The following CLEC4C variants were observed in gnomAD, a reference collection of about 807,000 sequenced individuals.
CLEC4C encodes C-type lectin domain family 4 member C.
In CLEC4C, 17 loss-of-function variants were observed where a neutral mutation model predicts 27.7. The observed-to-expected ratio is 0.61, with a 90% CI of 0.42 to 0.92. CLEC4C has a LOEUF of 0.92. Ranked by LOEUF, CLEC4C falls within the 40% of genes least tolerant of loss-of-function variation. The pLI is 0.00. For synonymous variants in CLEC4C, 80 were observed against 80.8 expected (o/e 0.99, Z 0.06); for missense variants, 244 against 257.3 (o/e 0.95, Z 0.35).
rs114239164 is a variant in CLEC4C, at chr12:7,739,030, G to A, written c.236-1456C>T. ...CTGTGTCCAAGTGTTCTCATTGTTC[G>A]ATTCCCACCAGTAGTTTTGAAAAAG... On this transcript the variant is annotated intron_variant, in intron 3 of 5. Coordinates refer to ENST00000360345, the MANE Select transcript of CLEC4C (RefSeq NM_001371390.1). Among the ~76,000 whole-genome samples, 955 of 143,390 alleles carry A rather than the reference G, an allele frequency of 6.7e-3. 13 individuals are homozygous for A. The highest frequency in any genetic ancestry group is 0.023 in the African/African-American group (883 of 38,666). 94.1% of individuals were successfully genotyped at this position (143,390 alleles called of 152,430 possible). A position where few individuals can be genotyped will look rare whatever the true frequency, so the allele number is the denominator to read the frequency against.
chr12:7,745,398 C>G (rs1192066785), intron 2 of CLEC4C, among the ~76,000 whole-genome samples: 2 of 118,908 alleles, frequency 1.7e-5, no homozygotes, highest in Non-Finnish European at 3.5e-5. Context: ...AAATAAATAT[C>G]TGTTTTTTAA....
upstream of CLEC4C, among the ~76,000 whole-genome samples, chr12:7,748,288 G>A (rs1349397087): frequency 2.0e-5 from 3 of 152,166 alleles, no homozygotes; most frequent in African/African-American, 7.2e-5. Flanking sequence ...AGCACTTTGG[G>A]AAGCTGAGGT....
rs759093032 is a variant in CLEC4C at position 7,729,667 on chromosome 12, ATTC to A, written c.568_570del (p.Glu190del). On this transcript the variant is annotated inframe_deletion, in exon 6 of 6. Coordinates refer to ENST00000360345, the MANE Select transcript of CLEC4C (RefSeq NM_001371390.1). Reference sequence around the variant, plus strand: ...TGACAGTGAATGTCATTCCAGCCCCATTCTTCTGAAGAACGGAAATTTATTATC... The same window carrying A: ...TGACAGTGAATGTCATTCCAGCCCCATTCTGAAGAACGGAAATTTATTATC... The A allele has an allele frequency of 5.6e-6, 9 of 1,613,662 alleles. No homozygotes were observed. In the South Asian group the frequency reaches 8.8e-5, roughly 16 times the overall value.
chr12:7,745,717 G>C (rs1864959544), intron 2 of CLEC4C, among the ~76,000 whole-genome samples: 1 of 151,722 alleles, frequency 6.6e-6, no homozygotes, highest in Non-Finnish European at 1.5e-5. Context: ...ACAGGCATGA[G>C]CTACCACGCC....
intron 2 of CLEC4C, 114 bp downstream of exon 2, chr12:7,746,213 CAAAA>C (rs932573091): frequency 1.1e-3 from 465 of 412,572 alleles, no homozygotes; most frequent in East Asian, 2.2e-3. Context: ...GATTCCGTCT[CAAAA>C]AAAAAAAAAA....
At chr12:7,745,049 T>C (rs1864939800) in intron 2 of CLEC4C, among the ~76,000 whole-genome samples, 1 of 152,140 alleles carries the variant, frequency 6.6e-6, no homozygotes, top group Admixed American at 6.6e-5. Flanking sequence ...GCAGATCAAC[T>C]AGATGGTACC....
chr12:7,747,292 C>G, intron 1 of CLEC4C, 26 bp downstream of exon 1: 1 of 1,612,736 alleles, frequency 6.2e-7, no homozygotes, highest in South Asian at 1.1e-5. Flanking sequence ...ACTACCTTCC[C>G]TAGAACTGAG....
chr12:7,730,254 T>C (rs1206276382), intron 5 of CLEC4C, among the ~76,000 whole-genome samples: 1 of 152,162 alleles, frequency 6.6e-6, no homozygotes, highest in Non-Finnish European at 1.5e-5. Context: ...TCTGAAAAAA[T>C]GGGAACTAGA....
intron 4 of CLEC4C, among the ~76,000 whole-genome samples, chr12:7,732,256 G>T (rs1036872135): frequency 6.6e-6 from 1 of 151,670 alleles, no homozygotes; most frequent in East Asian, 1.9e-4. Flanking sequence ...TCTCAAACTC[G>T]TGACCTCAGT....
rs78447936 is a variant in CLEC4C at position 7,747,138 on chromosome 12, C to G, written c.31+180G>C. 5.6e-3 allele frequency among the ~76,000 whole-genome samples: 858 copies of G among 152,116 alleles called. 13 individuals are homozygous for G. Among genetic ancestry groups the G allele is most frequent in the African/African-American group, 0.019 (777 of 41,524 alleles). ...GCGCCCGCCCGGCCTTTCTTTTTTT[C>G]TTTCATCTTTCCCTGATCCAAGTAT... On this transcript the variant is annotated intron_variant, in intron 1 of 5. Coordinates refer to ENST00000360345, the MANE Select transcript of CLEC4C (RefSeq NM_001371390.1).
chr12:7,748,699 T>G (rs981078962), upstream of CLEC4C, among the ~76,000 whole-genome samples: 1 of 152,154 alleles, frequency 6.6e-6, no homozygotes, highest in Non-Finnish European at 1.5e-5. Flanking sequence ...CCTCAGGGGT[T>G]CTCCCTGTTG....
chr12:7,748,323 C>T (rs935128879), upstream of CLEC4C, among the ~76,000 whole-genome samples: 3 of 152,124 alleles, frequency 2.0e-5, no homozygotes, highest in East Asian at 1.9e-4. Context: ...GTCAAGAGAT[C>T]GAGACCATCC....
intron 3 of CLEC4C, 31 bp from the exon 4 acceptor site, chr12:7,737,605 T>C: frequency 6.3e-7 from 1 of 1,591,832 alleles, no homozygotes; most frequent in South Asian, 1.1e-5. Flanking sequence ...GAAGAAAAAA[T>C]ATTAACAGAG....
chr12:7,739,202 TC>T (rs1864797845), intron 3 of CLEC4C, among the ~76,000 whole-genome samples: 1 of 149,138 alleles, frequency 6.7e-6, no homozygotes, highest in Non-Finnish European at 1.5e-5. Context: ...AACCTTCGCC[TC>T]CCGGGTTCAA....
chr12:7,737,306 G>GTT (rs1457828483), intron 4 of CLEC4C, 123 bp downstream of exon 4: 2 of 848,684 alleles, frequency 2.4e-6, no homozygotes, highest in East Asian at 2.9e-5. Flanking sequence ...TGTTTTTTGG[G>GTT]TTTTTTTTTA....
Position 7,742,679 on chromosome 12 carries a change from C to T in CLEC4C, c.125-1148G>A, listed in dbSNP as rs1864883009. ...CAAAAATTAGCCAGGCGTGGTGACA[C>T]GTGTCTATTAATCCCAGCTACTCAG... On this transcript the variant is annotated intron_variant, in intron 2 of 5. Coordinates refer to ENST00000360345, the MANE Select transcript of CLEC4C (RefSeq NM_001371390.1). Among the ~76,000 whole-genome samples, 4 of 150,334 alleles carry T rather than the reference C, an allele frequency of 2.7e-5. No homozygotes were observed. In the South Asian group the frequency reaches 6.3e-4, roughly 24 times the overall value.
At chr12:7,743,528 G>A (rs1271610300) in intron 2 of CLEC4C, among the ~76,000 whole-genome samples, 1 of 151,736 alleles carries the variant, frequency 6.6e-6, no homozygotes, top group African/African-American at 2.4e-5. Context: ...GGCACTACAG[G>A]CGCCCGCCAC....
intron 4 of CLEC4C, among the ~76,000 whole-genome samples, chr12:7,731,881 G>A (rs907672475): frequency 1.3e-5 from 2 of 152,248 alleles, no homozygotes; most frequent in African/African-American, 2.4e-5. Flanking sequence ...CTGAACCTGG[G>A]AAGTAGAAGC....
At chr12:7,746,112 G>A (rs969627395) in intron 2 of CLEC4C, among the ~76,000 whole-genome samples, 1 of 151,490 alleles carries the variant, frequency 6.6e-6, no homozygotes, top group African/African-American at 2.4e-5. Context: ...CTACTCGGGA[G>A]GCTGAGGCAG....
Sources: gnomAD v4.1 joint callset for allele counts (sites outside exome capture counted in the v4.1 genomes callset) on GRCh38, gnomAD v4.1.1 for gene constraint, MANE v1.5 for transcripts, NCBI Gene and HGNC (gene_info 2026-07-23, HGNC 2026-07-21) for gene names.